Variants in SEMA3E observed in about 807,000 individuals in gnomAD.
SEMA3E encodes the protein semaphorin 3E, also known as semaphorin-3E.
In SEMA3E, 49 loss-of-function variants were observed where a neutral mutation model predicts 93.6. That is an observed-to-expected ratio of 0.52 (90% confidence interval 0.42 to 0.66). SEMA3E has a LOEUF of 0.66. Ranked by LOEUF, SEMA3E falls within the 30% of genes least tolerant of loss-of-function variation. SEMA3E has a pLI of 0.00. For synonymous variants in SEMA3E, 363 were observed against 330.7 expected (o/e 1.10, Z -1.06); for missense variants, 906 against 964.8 (o/e 0.94, Z 0.81).
At chr7:83,636,951 A>G (rs1323239041) in intron 1 of SEMA3E, among the ~76,000 whole-genome samples, 1 of 152,022 alleles carries the variant, frequency 6.6e-6, no homozygotes, top group Non-Finnish European at 1.5e-5. Context: ...CTACTTTATT[A>G]CGACCTGTCT....
chr7:83,392,009 C>T (rs1483296021), intron 14 of SEMA3E, among the ~76,000 whole-genome samples: 1 of 152,150 alleles, frequency 6.6e-6, no homozygotes, highest in African/African-American at 2.4e-5. Context: ...AACTGCACCT[C>T]AAGATCTCTG....
intron 1 of SEMA3E, among the ~76,000 whole-genome samples, chr7:83,563,414 C>G: frequency 6.6e-6 from 1 of 152,192 alleles, no homozygotes. Context: ...ACCTTTTATA[C>G]TCAAATGCTG....
At chr7:83,546,321 GGTGTGTGT>G (rs67647992) in intron 1 of SEMA3E, among the ~76,000 whole-genome samples, 5,693 of 129,416 alleles carry the variant, frequency 0.044, 294 homozygotes, top group African/African-American at 0.12. Context: ...TATAATAAGG[GGTGTGTGT>G]GTGTGTGTGT....
At chr7:83,640,413 C>G (rs1441750544) in intron 1 of SEMA3E, among the ~76,000 whole-genome samples, 1 of 152,200 alleles carries the variant, frequency 6.6e-6, no homozygotes, top group African/African-American at 2.4e-5. Flanking sequence ...AGGCTCTGCT[C>G]TCTCCTGTGC....
At chr7:83,479,923 A>G (rs1171924614) in intron 2 of SEMA3E, among the ~76,000 whole-genome samples, 1 of 152,240 alleles carries the variant, frequency 6.6e-6, no homozygotes, top group Non-Finnish European at 1.5e-5. Context: ...AAACACAAAT[A>G]CATAAGATCT....
intron 1 of SEMA3E, among the ~76,000 whole-genome samples, chr7:83,588,759 A>G (rs1792686814): frequency 1.3e-5 from 2 of 152,190 alleles, no homozygotes; most frequent in South Asian, 4.1e-4. Flanking sequence ...TAGCATGAAA[A>G]GTAAATGAGT....
intron 1 of SEMA3E, among the ~76,000 whole-genome samples, chr7:83,574,164 C>T (rs1251263268): frequency 7.2e-5 from 11 of 152,030 alleles, no homozygotes; most frequent in Non-Finnish European, 1.6e-4. Context: ...AATCTTAATG[C>T]AGAATTTTCA....
At chr7:83,479,251 C>G (rs1357332137) in intron 2 of SEMA3E, among the ~76,000 whole-genome samples, 9 of 152,172 alleles carry the variant, frequency 5.9e-5, no homozygotes, top group Non-Finnish European at 8.8e-5. Context: ...AATCAAAATT[C>G]TATTATTCAA....
At chr7:83,399,173 C>T (rs2115612137) in intron 11 of SEMA3E, among the ~76,000 whole-genome samples, 1 of 152,180 alleles carries the variant, frequency 6.6e-6, no homozygotes, top group South Asian at 2.1e-4. Flanking sequence ...AGCAATTATA[C>T]TATGCTGAAT....
At chr7:83,399,913 T>C (rs1788203645) in intron 11 of SEMA3E, 115 bp downstream of exon 11, 1 of 860,562 alleles carries the variant, frequency 1.2e-6, no homozygotes, top group African/African-American at 1.7e-5. Context: ...ATTAGCAGTG[T>C]GAAATTGTTT....
intron 1 of SEMA3E, among the ~76,000 whole-genome samples, chr7:83,603,788 T>C (rs1344957139): frequency 6.6e-6 from 1 of 152,168 alleles, no homozygotes; most frequent in East Asian, 1.9e-4. Flanking sequence ...TTCTAAAATA[T>C]TGTTTCAAAT....
intron 1 of SEMA3E, among the ~76,000 whole-genome samples, chr7:83,500,973 T>G (rs1790586994): frequency 6.6e-6 from 1 of 152,186 alleles, no homozygotes; most frequent in Non-Finnish European, 1.5e-5. Context: ...ACTTATTTTT[T>G]AATGTTAAGC....
intron 14 of SEMA3E, among the ~76,000 whole-genome samples, chr7:83,387,851 T>C (rs1381825954): frequency 8.4e-6 from 1 of 119,716 alleles, no homozygotes; most frequent in Non-Finnish European, 1.9e-5. Flanking sequence ...TATATATATG[T>C]TTATATATAT....
chr7:83,512,972 T>C (rs1790855415), intron 1 of SEMA3E, among the ~76,000 whole-genome samples: 4 of 152,232 alleles, frequency 2.6e-5, no homozygotes, highest in Admixed American at 2.6e-4. Flanking sequence ...ACTAATGACA[T>C]ACATATTCTT....
At chr7:83,402,142 A>G (rs906543630) in intron 10 of SEMA3E, among the ~76,000 whole-genome samples, 1 of 151,968 alleles carries the variant, frequency 6.6e-6, no homozygotes, top group Non-Finnish European at 1.5e-5. Flanking sequence ...GGAGATAGAG[A>G]AAAAAACTTC....
At chr7:83,639,141 C>CAAAAA (rs1793946980) in intron 1 of SEMA3E, among the ~76,000 whole-genome samples, 1 of 63,100 alleles carries the variant, frequency 1.6e-5, no homozygotes, top group African/African-American at 5.6e-5. Context: ...AAAAAAAAAA[C>CAAAAA]AGAGATTCCT....
chr7:83,498,149 T>C (rs992422056), intron 1 of SEMA3E, among the ~76,000 whole-genome samples: 6 of 152,110 alleles, frequency 3.9e-5, no homozygotes, highest in African/African-American at 1.2e-4. Context: ...ATATAATACA[T>C]ATAAAAATAT....
chr7:83,435,425 C>A (rs1196353789), intron 4 of SEMA3E, among the ~76,000 whole-genome samples: 2 of 151,942 alleles, frequency 1.3e-5, no homozygotes, highest in African/African-American at 4.8e-5. Flanking sequence ...GAAATCCTGT[C>A]TTTACTAAAA....
chr7:83,469,705 A>G lies in SEMA3E; in HGVS notation c.277-403T>C, dbSNP rs1789853117. Among the ~76,000 whole-genome samples the G allele has an allele frequency of 1.3e-5, 2 of 152,294 alleles. 1 individual carries two copies. Among genetic ancestry groups the G allele is most frequent in the Non-Finnish European group, 2.9e-5 (2 of 68,022 alleles). The stretch of plus-strand genomic sequence containing the variant: ...GGCTCTCCTAATGTTTGCTGCATAC[A>G]ATGATTAAAGGATGAATGACTCTTT... On this transcript the variant is annotated intron_variant, in intron 2 of 16. Coordinates refer to ENST00000643230, the MANE Select transcript of SEMA3E (RefSeq NM_012431.3).
Sources: gnomAD v4.1 joint callset for allele counts (sites outside exome capture counted in the v4.1 genomes callset) on GRCh38, gnomAD v4.1.1 for gene constraint, MANE v1.5 for transcripts, NCBI Gene and HGNC (gene_info 2026-07-23, HGNC 2026-07-21) for gene names.